AKAP6: variants seen among roughly 807,000 people sequenced by gnomAD.
AKAP6 encodes A-kinase anchor protein 6.
Under a neutral mutation model 188.5 loss-of-function variants are expected in AKAP6, and 58 were observed. The observed-to-expected ratio is 0.31, with a 90% CI of 0.25 to 0.38. The LOEUF is 0.38. AKAP6 is among the 10% of genes least tolerant of loss of function. The probability of loss-of-function intolerance (pLI) is 1.00; values close to 1 mark genes in which losing one functional copy is unlikely to be tolerated. For synonymous variants in AKAP6, 989 were observed against 998.6 expected (o/e 0.99, Z 0.18); for missense variants, 2,710 against 2,740.0 (o/e 0.99, Z 0.24).
rs1883210058 is a variant in AKAP6 at position 32,546,593 on chromosome 14, T to C, written c.1940T>C (p.Leu647Ser). ...LKQTEVLALK[L>S]ENLTKLLPQK... ...CAGACAGAAGTATTGGCTTTGAAGT[T>C]GGAAAACCTAACAAAGCTTCTGCCT... The change falls in exon 4 of 14, where the codon TTG becomes TCG. Residue 647 changes from leucine (L) to serine (S), a missense_variant. Physicochemically the swap from Leu to Ser is moderately radical, Grantham distance 145. Transcript: ENST00000280979. 5 of 1,614,192 alleles carry C rather than the reference T, an allele frequency of 3.1e-6. 1 individual carries two copies. In the Middle Eastern group the frequency reaches 6.6e-4, roughly 213 times the overall value.
chr14:32,606,622 GCTA>G (rs1303784735), intron 7 of AKAP6, among the ~76,000 whole-genome samples: 1 of 152,116 alleles, frequency 6.6e-6, no homozygotes, highest in Non-Finnish European at 1.5e-5. Context: ...AAACTTTACA[GCTA>G]CTACGAGGAT....
intron 4 of AKAP6, among the ~76,000 whole-genome samples, chr14:32,575,729 A>C (rs1884686949): frequency 6.6e-6 from 1 of 152,116 alleles, no homozygotes; most frequent in South Asian, 2.1e-4. Flanking sequence ...TACAATAGAG[A>C]GATTTTCAAT....
intron 7 of AKAP6, among the ~76,000 whole-genome samples, chr14:32,643,551 C>G (rs1180674198): frequency 6.6e-6 from 1 of 152,082 alleles, no homozygotes; most frequent in African/African-American, 2.4e-5. Flanking sequence ...TGTGATCTGC[C>G]CGCCTCGGCC....
chr14:32,375,569 G>A (rs1888133201), intron 1 of AKAP6, among the ~76,000 whole-genome samples: 1 of 151,722 alleles, frequency 6.6e-6, no homozygotes, highest in South Asian at 2.1e-4. Flanking sequence ...AGAAAATGCT[G>A]TGTCAATTAA....
chr14:32,417,299 T>A (rs901644072), intron 1 of AKAP6, among the ~76,000 whole-genome samples: 60 of 152,206 alleles, frequency 3.9e-4, no homozygotes, highest in Non-Finnish European at 7.2e-4. Context: ...TAAATATATA[T>A]AAATCTTGTC....
intron 11 of AKAP6, among the ~76,000 whole-genome samples, chr14:32,758,099 T>C (rs984598018): frequency 2.0e-5 from 3 of 152,214 alleles, no homozygotes; most frequent in African/African-American, 7.2e-5. Context: ...ATGCCCTTTA[T>C]AGTATTATAG....
At chr14:32,563,318 C>T (rs1028253336) in intron 4 of AKAP6, among the ~76,000 whole-genome samples, 3 of 152,278 alleles carry the variant, frequency 2.0e-5, no homozygotes, top group African/African-American at 7.2e-5. Context: ...TTGACCTCTC[C>T]GTGCTCCAGT....
At chr14:32,788,467 C>A (rs1594946193) in intron 12 of AKAP6, among the ~76,000 whole-genome samples, 1 of 152,200 alleles carries the variant, frequency 6.6e-6, no homozygotes, top group East Asian at 1.9e-4. Flanking sequence ...TATCCAGGAT[C>A]TCACATTGAA....
At chr14:32,737,881 T>C (rs185801520) in intron 11 of AKAP6, among the ~76,000 whole-genome samples, 24 of 152,250 alleles carry the variant, frequency 1.6e-4, no homozygotes, top group Admixed American at 5.9e-4. Flanking sequence ...TAGATTGGTC[T>C]GGGATGAGAC....
chr14:32,377,350 C>T (rs867243855), intron 1 of AKAP6, among the ~76,000 whole-genome samples: 1 of 152,180 alleles, frequency 6.6e-6, no homozygotes, highest in Non-Finnish European at 1.5e-5. Context: ...TGTGTCTGAT[C>T]TTTGTCTCCT....
chr14:32,661,445 G>C (rs2139576682), intron 7 of AKAP6, among the ~76,000 whole-genome samples: 1 of 152,222 alleles, frequency 6.6e-6, no homozygotes, highest in South Asian at 2.1e-4. Context: ...GACAAGGAAT[G>C]CACGATTGTG....
At chr14:32,641,245 AAAG>A (rs1887740245) in intron 7 of AKAP6, among the ~76,000 whole-genome samples, 2 of 152,210 alleles carry the variant, frequency 1.3e-5, no homozygotes, top group East Asian at 3.9e-4. Flanking sequence ...ACTGAAAGCA[AAAG>A]AAGAATGCAA....
In AKAP6 at chr14:32,546,275, T is replaced by C. The variant is rs1304610257; in HGVS notation, c.1622T>C (p.Ile541Thr). The C allele has an allele frequency of 3.1e-6, 5 of 1,614,030 alleles. No individual in the cohort carries two copies. Among genetic ancestry groups the C allele is most frequent in the Admixed American group, 3.3e-5 (2 of 60,002 alleles). ...NGELSYTSKA[I>T]EGPQTNSAST... is the part of the protein sequence containing the mutation. ...GAGCTTTCTTATACTTCCAAGGCCATAGAGGGGCCACAAACAAATTCTGCT... is the reference window on the plus strand; with the variant it reads ...GAGCTTTCTTATACTTCCAAGGCCACAGAGGGGCCACAAACAAATTCTGCT... The change falls in exon 4 of 14, where the codon ATA (isoleucine) becomes ACA (threonine). Residue 541 changes from isoleucine (I) to threonine (T), a missense_variant. Transcript: ENST00000280979.
At chr14:32,684,195 G>GT (rs34133148) in intron 8 of AKAP6, among the ~76,000 whole-genome samples, 40,420 of 152,036 alleles carry the variant, frequency 0.27, 6,101 homozygotes, top group East Asian at 0.58. Context: ...GGACAGTGTG[G>GT]TAACTATGGG....
intron 1 of AKAP6, among the ~76,000 whole-genome samples, chr14:32,354,019 A>T (rs2138459384): frequency 6.6e-6 from 1 of 152,312 alleles, no homozygotes. Context: ...ATATCGTGAA[A>T]ATGGCCATAC....
intron 7 of AKAP6, among the ~76,000 whole-genome samples, chr14:32,673,218 A>C (rs56729265): frequency 0.38 from 57,563 of 152,090 alleles, 14,797 homozygotes; most frequent in African/African-American, 0.72. Context: ...CCTCTGCTCC[A>C]TACCCCCAAC....
chr14:32,404,297 G>C (rs917813939), intron 1 of AKAP6, among the ~76,000 whole-genome samples: 1 of 152,036 alleles, frequency 6.6e-6, no homozygotes, highest in African/African-American at 2.4e-5. Flanking sequence ...AATGATGAAA[G>C]GTTTTGGTTA....
At position 32,545,694 on chromosome 14, in the gene AKAP6, A is replaced by G. The variant is rs1414659307; in HGVS notation, c.1041A>G (p.Glu347=). 6.8e-6 allele frequency: 11 copies of G among 1,614,174 alleles called. No individual in the cohort carries two copies. The highest frequency in any genetic ancestry group is 9.3e-6 in the Non-Finnish European group (11 of 1,180,020). Residue 347 remains glutamate, a synonymous_variant, in exon 4 of 14, where the codon GAA becomes GAG. Coordinates refer to ENST00000280979, the MANE Select transcript of AKAP6 (RefSeq NM_004274.5). ...AQPSSETVQQ[E]SSSSSHHDAK... ...CCTCCTCTGAGACTGTGCAGCAAGA[A>G]TCCAGTTCCTCCTCCCATCATGATG...
At chr14:32,741,850 G>A (rs539635721) in intron 11 of AKAP6, among the ~76,000 whole-genome samples, 10 of 114,630 alleles carry the variant, frequency 8.7e-5, no homozygotes, top group Non-Finnish European at 1.7e-4. Context: ...TTTTTAGTGC[G>A]TCTCTGTCTG....
Sources: gnomAD v4.1 joint callset for allele counts (sites outside exome capture counted in the v4.1 genomes callset) on GRCh38, gnomAD v4.1.1 for gene constraint, MANE v1.5 for transcripts, NCBI Gene and HGNC (gene_info 2026-07-23, HGNC 2026-07-21) for gene names.